The following EIF4G3 variants were observed in gnomAD, a reference collection of about 807,000 sequenced individuals.
The protein encoded by EIF4G3 is eIF-4-gamma 3.
A neutral mutation model predicts 186.4 loss-of-function variants in EIF4G3; 34 were observed. The ratio of observed to expected loss-of-function variants is 0.18; its 90% CI spans 0.14 to 0.24. EIF4G3 has a LOEUF of 0.24. Ranked by LOEUF, EIF4G3 falls within the 10% of genes least tolerant of loss-of-function variation. EIF4G3 has a pLI of 1.00. For synonymous variants in EIF4G3, 673 were observed against 679.5 expected (o/e 0.99, Z 0.15); for missense variants, 1,536 against 1,948.5 (o/e 0.79, Z 3.99).
At chr1:20,965,850 CCTCT>C (rs1242127782) in intron 12 of EIF4G3, among the ~76,000 whole-genome samples, 4 of 152,122 alleles carry the variant, frequency 2.6e-5, no homozygotes, top group African/African-American at 9.7e-5. Flanking sequence ...CTCATTTAAT[CCTCT>C]CTGTGTGATA....
chr1:20,825,610 C>T (rs2063413197), intron 32 of EIF4G3, among the ~76,000 whole-genome samples: 1 of 152,210 alleles, frequency 6.6e-6, no homozygotes, highest in African/African-American at 2.4e-5. Flanking sequence ...TGGGGAGCTA[C>T]AGCTGGTTAT....
rs1364469815 is a variant in EIF4G3 at position 20,972,866 on chromosome 1, G to A, written c.591+136C>T. The A allele has an allele frequency of 9.1e-5, 57 of 628,990 alleles. 1 individual carries two copies. The highest frequency in any genetic ancestry group is 1.2e-4 in the Non-Finnish European group (48 of 385,738). 39.0% of individuals were successfully genotyped at this position (628,990 alleles called of 1,614,324 possible). On this transcript the variant is annotated intron_variant, in intron 11 of 36. Coordinates refer to ENST00000602326, the MANE Select transcript of EIF4G3 (RefSeq NM_001391906.1). ...ATACAAATCCTCCAGGTGAAGTGGT[G>A]TGACTATAAGGGAAGAATAAAAAAA... is the stretch of plus-strand genomic sequence containing the variant.
intron 19 of EIF4G3, among the ~76,000 whole-genome samples, 193 bp downstream of exon 19, chr1:20,886,006 TAC>T (rs1271778855): frequency 2.6e-5 from 4 of 152,114 alleles, no homozygotes; most frequent in Non-Finnish European, 5.9e-5. Flanking sequence ...TCTGAAAAAA[TAC>T]ACATAAAGCA....
intron 2 of EIF4G3, among the ~76,000 whole-genome samples, chr1:21,107,712 G>A (rs2096641567): frequency 6.6e-6 from 1 of 152,170 alleles, no homozygotes; most frequent in Non-Finnish European, 1.5e-5. Context: ...AGGATCTCAT[G>A]CTGTCACCCA....
In EIF4G3 at chr1:20,810,878, G is replaced by A; in HGVS notation, c.4604C>T (p.Ser1535Phe). ...AVCKAAIIAD[S>F]STFRVDTAVI... The stretch of plus-strand genomic sequence containing the variant: ...AGCAGTGTCCACTCTGAAGGTAGAA[G>A]AGTCGGCTAAAGGTGATAGAAGAAC... Residue 1535 changes from serine to phenylalanine, a missense_variant, in exon 36 of 37, where the codon TCT (serine) becomes TTT (phenylalanine). Coordinates refer to ENST00000602326, the MANE Select transcript of EIF4G3 (RefSeq NM_001391906.1). This position sits in a 1 kb window ranked among gnomAD's most constrained non-coding sequence, Gnocchi z 4.1. 1 of 1,612,722 alleles carries A rather than the reference G, an allele frequency of 6.2e-7. No individual in the cohort carries two copies. The highest frequency in any genetic ancestry group is 8.5e-7 in the Non-Finnish European group (1 of 1,178,796).
intron 2 of EIF4G3, among the ~76,000 whole-genome samples, chr1:21,099,171 G>A (rs924625867): frequency 2.0e-5 from 3 of 152,174 alleles, no homozygotes; most frequent in African/African-American, 7.2e-5. Context: ...TTGGTAGAGT[G>A]CAAAATGGTA....
chr1:21,132,795 C>A (rs1349123241), intron 2 of EIF4G3, among the ~76,000 whole-genome samples: 1 of 151,488 alleles, frequency 6.6e-6, no homozygotes, highest in Non-Finnish European at 1.5e-5. Flanking sequence ...TTTATTTTAT[C>A]TTTTGGAGAC....
intron 30 of EIF4G3, among the ~76,000 whole-genome samples, chr1:20,838,683 A>T (rs4654875): frequency 2.0e-5 from 3 of 151,800 alleles, no homozygotes; most frequent in Non-Finnish European, 2.9e-5. Flanking sequence ...GCTGAAAGAA[A>T]ACTTTTTTTT....
intron 4 of EIF4G3, among the ~76,000 whole-genome samples, chr1:21,045,656 T>G (rs952001727): frequency 6.6e-6 from 1 of 152,106 alleles, no homozygotes; most frequent in Non-Finnish European, 1.5e-5. Context: ...TCAGCGCCAG[T>G]TTGGTCTGTT....
At chr1:20,877,335 C>T (rs1378173786) in intron 20 of EIF4G3, among the ~76,000 whole-genome samples, 1 of 152,146 alleles carries the variant, frequency 6.6e-6, no homozygotes, top group African/African-American at 2.4e-5. Context: ...GGCACTATGG[C>T]AAGTGATTGA....
chr1:20,862,398 G>T, intron 22 of EIF4G3, 66 bp from the exon 23 acceptor site: 2 of 1,003,788 alleles, frequency 2.0e-6, no homozygotes, highest in Non-Finnish European at 1.5e-6. Flanking sequence ...CCAATTTACA[G>T]TTATTTATTT....
intron 3 of EIF4G3, among the ~76,000 whole-genome samples, chr1:21,086,254 T>C (rs1429497272): frequency 7.5e-6 from 1 of 132,930 alleles, no homozygotes; most frequent in Non-Finnish European, 1.5e-5. Flanking sequence ...GGTTGGAGCA[T>C]AGAGGTTTGA....
chr1:20,967,467 T>A (rs933714146), intron 12 of EIF4G3, among the ~76,000 whole-genome samples: 1 of 152,190 alleles, frequency 6.6e-6, no homozygotes, highest in African/African-American at 2.4e-5. Context: ...AGACTAAATA[T>A]AAGACCTGCT....
intron 4 of EIF4G3, among the ~76,000 whole-genome samples, chr1:21,011,975 G>A (rs2087255455): frequency 6.6e-6 from 1 of 152,136 alleles, no homozygotes; most frequent in African/African-American, 2.4e-5. Context: ...GTATGTGGCA[G>A]ACATTTTTAT....
chr1:21,034,186 ATTAT>A (rs1205322678), intron 4 of EIF4G3, among the ~76,000 whole-genome samples: 1 of 152,180 alleles, frequency 6.6e-6, no homozygotes, highest in East Asian at 1.9e-4. Context: ...CAGTAGAGAG[ATTAT>A]TTATTTCTGA....
At chr1:21,091,715 G>GT (rs931059979) in intron 2 of EIF4G3, among the ~76,000 whole-genome samples, 59 of 152,202 alleles carry the variant, frequency 3.9e-4, no homozygotes, top group African/African-American at 1.4e-3. Flanking sequence ...CATATCCCTT[G>GT]TAAGTTGGAT....
chr1:21,075,570 C>CAAAAAAAAAAAAAAAAAAAAAAAAAA (rs55649192), intron 3 of EIF4G3, among the ~76,000 whole-genome samples: 3 of 51,562 alleles, frequency 5.8e-5, no homozygotes, highest in Non-Finnish European at 9.4e-5. Context: ...CTCCAACTCA[C>CAAAAAAAAAAAAAAAAAAAAAAAAAA]AAAAAAAAAA....
At chr1:20,825,228 C>T (rs1235128216) in intron 32 of EIF4G3, 30 bp from the exon 33 acceptor site, 1 of 742,710 alleles carries the variant, frequency 1.3e-6, no homozygotes, top group South Asian at 1.7e-5. Context: ...AATCCATTTA[C>T]TTTCACAGTG....
chr1:20,977,095 AAAAAATACGTATC>A (rs1456776503), intron 10 of EIF4G3, among the ~76,000 whole-genome samples: 1 of 151,962 alleles, frequency 6.6e-6, no homozygotes, highest in African/African-American at 2.4e-5. Context: ...TAAATGAAAA[AAAAAATACGTATC>A]AAACTGTTAA....
Sources: gnomAD v4.1 joint callset for allele counts (sites outside exome capture counted in the v4.1 genomes callset) on GRCh38, gnomAD v4.1.1 for gene constraint, Gnocchi (gnomAD v3.1) non-coding constraint, MANE v1.5 for transcripts, NCBI Gene and HGNC (gene_info 2026-07-23, HGNC 2026-07-21) for gene names.